RMND5A: variants seen among roughly 807,000 people sequenced by gnomAD.
RMND5A encodes required for meiotic nuclear division 5 homolog A.
Under a neutral mutation model 49.7 loss-of-function variants are expected in RMND5A, and 17 were observed. The ratio of observed to expected loss-of-function variants is 0.34; its 90% CI spans 0.23 to 0.51. RMND5A has a LOEUF of 0.51. Ranked by LOEUF, RMND5A falls within the 20% of genes least tolerant of loss-of-function variation. RMND5A has a pLI of 0.96. For missense variants in RMND5A, 255 were observed against 471.3 expected (o/e 0.54, Z 4.25); for synonymous variants, 156 against 167.7 (o/e 0.93, Z 0.54).
intron 7 of RMND5A, among the ~76,000 whole-genome samples, chr2:86,770,978 T>C (rs1381777713): frequency 6.6e-6 from 1 of 152,198 alleles, no homozygotes; most frequent in Non-Finnish European, 1.5e-5. Flanking sequence ...ACCACACCTG[T>C]ACACGGGTTT....
intron 4 of RMND5A, among the ~76,000 whole-genome samples, chr2:86,755,954 A>G (rs781761161): frequency 1.3e-5 from 2 of 152,180 alleles, no homozygotes; most frequent in South Asian, 4.1e-4. Flanking sequence ...CAACCCTCAT[A>G]TTAACCTATG....
chr2:86,762,699 TC>T (rs1245143264), intron 4 of RMND5A, among the ~76,000 whole-genome samples: 8 of 5,174 alleles, frequency 1.5e-3, no homozygotes, highest in African/African-American at 4.7e-3. Flanking sequence ...ATCATATATA[TC>T]ATATATATCA....
At chr2:86,766,787 A>C (rs1415873946) in intron 6 of RMND5A, among the ~76,000 whole-genome samples, 1 of 152,116 alleles carries the variant, frequency 6.6e-6, no homozygotes, top group Non-Finnish European at 1.5e-5. Flanking sequence ...CCAGGAATTC[A>C]AGACCCACCC....
intron 8 of RMND5A, 25 bp from the exon 9 acceptor site, chr2:86,773,323 T>G (rs143328635): frequency 6.8e-7 from 1 of 1,478,292 alleles, no homozygotes; most frequent in African/African-American, 1.4e-5. Context: ...GCTCCTTCAC[T>G]CAGTGTTTTC....
chr2:86,765,010 T>C lies in RMND5A; in HGVS notation c.522-17T>C. On this transcript the variant is annotated splice_polypyrimidine_tract_variant and intron_variant, in intron 4 of 8. Coordinates refer to ENST00000283632, the MANE Select transcript of RMND5A (RefSeq NM_022780.4). ...TTATGCTTTTGATTCTTAAAGTCTT[T>C]TTTGCCTTTTCTTTAGGTGGGCAGT... 1 of 1,585,360 alleles carries C rather than the reference T, an allele frequency of 6.3e-7. No homozygotes were observed. Among genetic ancestry groups the C allele is most frequent in the East Asian group, 2.3e-5 (1 of 44,352 alleles).
chr2:86,734,797 G>C (rs1378817658), intron 1 of RMND5A, among the ~76,000 whole-genome samples: 2 of 149,230 alleles, frequency 1.3e-5, no homozygotes, highest in African/African-American at 5.1e-5. Flanking sequence ...TTGTCTGCTG[G>C]TTGTAGAAAT....
At chr2:86,765,342 G>A in intron 5 of RMND5A, 149 bp downstream of exon 5, 1 of 701,154 alleles carries the variant, frequency 1.4e-6, no homozygotes, top group Non-Finnish European at 2.3e-6. Flanking sequence ...ACTGGCTCTA[G>A]ACAAAAACAA....
intron 4 of RMND5A, 105 bp downstream of exon 4, chr2:86,753,663 G>T: frequency 1.8e-6 from 1 of 558,042 alleles, no homozygotes; most frequent in South Asian, 3.3e-5. Context: ...TCTTACCTGT[G>T]GTAGACTTCA....
In RMND5A at chr2:86,775,324, CTTT is replaced by C. The variant is rs757365218; in HGVS notation, c.*1914_*1916del. ...AACCTAGAGTGTTGTATTTTTCTTT[CTTT>C]CTTTTTTTTTTTTTTTTTTTTTACC... On this transcript the variant is annotated 3_prime_UTR_variant, in exon 9 of 9. Transcript: ENST00000283632. 2 of 78,434 alleles carry C rather than the reference CTTT, an allele frequency of 2.5e-5. No homozygotes were observed. Among genetic ancestry groups the C allele is most frequent in the Non-Finnish European group, 5.2e-5 (2 of 38,360 alleles). 4.9% of individuals were successfully genotyped at this position (78,434 alleles called of 1,614,324 possible).
chr2:86,769,073 G>GA (rs894082520), intron 6 of RMND5A, among the ~76,000 whole-genome samples: 6 of 152,114 alleles, frequency 3.9e-5, no homozygotes, highest in African/African-American at 1.4e-4. Flanking sequence ...CAGTAGCTGG[G>GA]ACTCTAGGCA....
chr2:86,771,463 G>A, intron 7 of RMND5A, 95 bp from the exon 8 acceptor site: 1 of 1,082,282 alleles, frequency 9.2e-7, no homozygotes, highest in Admixed American at 2.4e-5. Flanking sequence ...GAATAGATCT[G>A]ATCAATGTTC....
In RMND5A at chr2:86,759,551, G is replaced by C. The variant is rs1212461274; in HGVS notation, c.522-5476G>C. 9.2e-5 allele frequency among the ~76,000 whole-genome samples: 14 copies of C among 152,020 alleles called. No individual in the cohort carries two copies. The South Asian group carries it at 2.1e-3, about 23-fold the overall frequency. On this transcript the variant is annotated intron_variant, in intron 4 of 8. Coordinates refer to ENST00000283632, the MANE Select transcript of RMND5A (RefSeq NM_022780.4). ...CTCGTGGTCCACGCTGGAAATTTGG[G>C]ATCAGAATTTTTTTAAAAAAATTAT...
intron 1 of RMND5A, among the ~76,000 whole-genome samples, chr2:86,728,173 C>T (rs1681299929): frequency 1.2e-5 from 1 of 82,550 alleles, no homozygotes; most frequent in Admixed American, 1.3e-4. Flanking sequence ...AAACATTATT[C>T]ATGGCCCTGG....
chr2:86,732,316 C>A (rs919824700), intron 1 of RMND5A, among the ~76,000 whole-genome samples: 1 of 150,348 alleles, frequency 6.7e-6, no homozygotes, highest in Non-Finnish European at 1.5e-5. Context: ...TGAACCCCCT[C>A]CCCCCATATC....
chr2:86,763,256 A>G (rs909300393), intron 4 of RMND5A, among the ~76,000 whole-genome samples: 1 of 152,168 alleles, frequency 6.6e-6, no homozygotes, highest in Non-Finnish European at 1.5e-5. Context: ...TCGTATCAGA[A>G]AGAGAAAAAA....
At chr2:86,759,114 A>G (rs1681798068) in intron 4 of RMND5A, among the ~76,000 whole-genome samples, 1 of 152,176 alleles carries the variant, frequency 6.6e-6, no homozygotes, top group Admixed American at 6.5e-5. Flanking sequence ...CTAGAAATAG[A>G]CACCCACCCA....
intron 2 of RMND5A, chr2:86,748,505 G>C (rs1681577781): frequency 6.6e-6 from 1 of 152,100 alleles, no homozygotes; most frequent in Non-Finnish European, 1.5e-5. Context: ...AAGGGTGTTT[G>C]ACTTTTCTTA....
At chr2:86,750,355 T>G (rs887574626) in intron 2 of RMND5A, among the ~76,000 whole-genome samples, 14 of 152,240 alleles carry the variant, frequency 9.2e-5, no homozygotes, top group Admixed American at 8.5e-4. Flanking sequence ...TCTTCATTCC[T>G]GAAGGATATT....
intron 2 of RMND5A, among the ~76,000 whole-genome samples, chr2:86,743,453 G>T (rs1681484529): frequency 6.8e-6 from 1 of 147,170 alleles, no homozygotes; most frequent in Admixed American, 6.8e-5. Flanking sequence ...GGTGTTTTTG[G>T]TTTTTGTTTT....
Sources: allele counts gnomAD v4.1 joint callset (sites outside exome capture counted in the v4.1 genomes callset), GRCh38; gene constraint gnomAD v4.1.1; transcripts MANE v1.5; gene names NCBI Gene and HGNC (gene_info 2026-07-23, HGNC 2026-07-21).